Variants in ZSCAN5A observed in about 807,000 individuals in gnomAD.
ZSCAN5A encodes the protein zinc finger and SCAN domain containing 5A.
A neutral mutation model predicts 23.7 loss-of-function variants in ZSCAN5A; 12 were observed. That is an observed-to-expected ratio of 0.51 (90% confidence interval 0.32 to 0.82). The LOEUF (loss-of-function observed/expected upper bound fraction) is 0.82, where lower values mean the gene tolerates loss of function less well. Ranked by LOEUF, ZSCAN5A falls within the 40% of genes least tolerant of loss-of-function variation. ZSCAN5A has a pLI of 0.03. For synonymous variants in ZSCAN5A, 257 were observed against 239.9 expected, an observed-to-expected ratio of 1.07 and a Z score of -0.66; for missense variants, 597 against 617.9, an observed-to-expected ratio of 0.97 and a Z score of 0.36.
chr19:56,313,651 T>G (rs956881779), intron 1 of ZSCAN5A, among the ~76,000 whole-genome samples: 2 of 152,234 alleles, frequency 1.3e-5, no homozygotes, highest in African/African-American at 4.8e-5. Flanking sequence ...AATTCTTTTA[T>G]CATTAGGAGG....
At chr19:56,346,383 C>A (rs2041633338) in intron 2 of ZSCAN5A, among the ~76,000 whole-genome samples, 1 of 152,046 alleles carries the variant, frequency 6.6e-6, no homozygotes, top group African/African-American at 2.4e-5. Flanking sequence ...GATCATGGGT[C>A]ACAGGTTGAA....
chr19:56,247,816 C>T (rs1010431332), intron 2 of ZSCAN5A, among the ~76,000 whole-genome samples: 9 of 152,044 alleles, frequency 5.9e-5, no homozygotes, highest in Non-Finnish European at 8.8e-5. Flanking sequence ...CTCAGCCTCC[C>T]GAGTAGCTGG....
At chr19:56,291,689 G>A (rs1219145557) in intron 2 of ZSCAN5A, among the ~76,000 whole-genome samples, 1 of 151,846 alleles carries the variant, frequency 6.6e-6, no homozygotes, top group East Asian at 1.9e-4. Context: ...TCTCATCTCT[G>A]CCAAGGGAGG....
At chr19:56,240,844 G>A (rs1243657158) in intron 2 of ZSCAN5A, among the ~76,000 whole-genome samples, 1 of 151,960 alleles carries the variant, frequency 6.6e-6, no homozygotes, top group Non-Finnish European at 1.5e-5. Flanking sequence ...CAGCTGGGAC[G>A]ACAGGCACCT....
At chr19:56,234,200 T>C (rs873733) in intron 2 of ZSCAN5A, among the ~76,000 whole-genome samples, 17,289 of 152,232 alleles carry the variant, frequency 0.11, 1,159 homozygotes, top group South Asian at 0.26. Context: ...ATGTTCCCAT[T>C]TTCAAGGTCT....
chr19:56,271,545 A>G (rs532244062), intron 2 of ZSCAN5A, among the ~76,000 whole-genome samples: 2 of 152,330 alleles, frequency 1.3e-5, no homozygotes, highest in African/African-American at 2.4e-5. Flanking sequence ...GAGCTCTGAA[A>G]TATGGCAAAT....
chr19:56,246,154 G>C (rs1448076939), intron 2 of ZSCAN5A, among the ~76,000 whole-genome samples: 2 of 152,176 alleles, frequency 1.3e-5, no homozygotes, highest in African/African-American at 4.8e-5. Flanking sequence ...ATGAGGTGGT[G>C]ATGTTTATTT....
intron 2 of ZSCAN5A, among the ~76,000 whole-genome samples, chr19:56,254,142 T>A (rs1445028472): frequency 6.6e-6 from 1 of 151,958 alleles, no homozygotes; most frequent in Admixed American, 6.6e-5. Flanking sequence ...TCACTCGATC[T>A]GACATTTTTT....
At chr19:56,251,337 A>G (rs899578291) in intron 2 of ZSCAN5A, among the ~76,000 whole-genome samples, 2 of 151,996 alleles carry the variant, frequency 1.3e-5, no homozygotes, top group Admixed American at 6.6e-5. Flanking sequence ...TTGAAGATAC[A>G]CTAGTTTTGG....
At position 56,221,655 on chromosome 19, in the gene ZSCAN5A, A is replaced by G; in HGVS notation, c.1411T>C (p.Ser471Pro). 1 of 1,614,090 alleles carries G rather than the reference A, an allele frequency of 6.2e-7. No homozygotes were observed. The highest frequency in any genetic ancestry group is 8.5e-7 in the Non-Finnish European group (1 of 1,180,006). ...IHSGEKPYKC[S>P]KCPRAFSRLK... is the part of the protein sequence containing the mutation. ...CGACTGAAGGCTCTTGGACACTTGG[A>G]ACATTTGTAGGGTTTCTCTCCGGAG... Residue 471 changes from serine (S) to proline (P), a missense_variant, in exon 6 of 6, where the codon TCC becomes CCC. Coordinates refer to ENST00000683990, the MANE Select transcript of ZSCAN5A (RefSeq NM_001322064.3).
At chr19:56,253,235 T>C (rs1309435556) in intron 2 of ZSCAN5A, among the ~76,000 whole-genome samples, 29 of 141,774 alleles carry the variant, frequency 2.0e-4, no homozygotes, top group Middle Eastern at 3.8e-3. Context: ...GCCACTGCAC[T>C]CCAGCTTGGG....
At chr19:56,304,001 G>A (rs748991423) in intron 2 of ZSCAN5A, among the ~76,000 whole-genome samples, 1 of 152,182 alleles carries the variant, frequency 6.6e-6, no homozygotes, top group Non-Finnish European at 1.5e-5. Flanking sequence ...GTCATGTAAG[G>A]TTCTCATAGA....
intron 2 of ZSCAN5A, among the ~76,000 whole-genome samples, chr19:56,243,818 C>T (rs1280990008): frequency 5.3e-5 from 8 of 151,610 alleles, no homozygotes; most frequent in South Asian, 4.2e-4. Context: ...GTGCTGAATT[C>T]GATGCTGCTG....
chr19:56,253,910 T>C (rs962058815), intron 2 of ZSCAN5A, among the ~76,000 whole-genome samples: 6 of 152,174 alleles, frequency 3.9e-5, no homozygotes, highest in Non-Finnish European at 8.8e-5. Flanking sequence ...CTAATTTGTA[T>C]AGTTATGACA....
At chr19:56,346,887 C>T (rs2041637510) in intron 2 of ZSCAN5A, among the ~76,000 whole-genome samples, 1 of 152,078 alleles carries the variant, frequency 6.6e-6, no homozygotes, top group African/African-American at 2.4e-5. Flanking sequence ...GCTACCATGC[C>T]CGGCCAATTT....
chr19:56,268,304 C>A (rs1277831547), intron 2 of ZSCAN5A, among the ~76,000 whole-genome samples: 1 of 152,156 alleles, frequency 6.6e-6, no homozygotes, highest in Non-Finnish European at 1.5e-5. Context: ...GTGGGCGCTG[C>A]CCCTGTGGGT....
At chr19:56,247,417 G>A (rs2036003659) in intron 2 of ZSCAN5A, 1 of 176,196 alleles carries the variant, frequency 5.7e-6, no homozygotes, top group Non-Finnish European at 1.3e-5. Context: ...GTGTCTAAGA[G>A]CCTTTCGTCG....
At chr19:56,309,434 G>A (rs2040894637) in intron 2 of ZSCAN5A, among the ~76,000 whole-genome samples, 1 of 152,172 alleles carries the variant, frequency 6.6e-6, no homozygotes, top group African/African-American at 2.4e-5. Flanking sequence ...TTTCAAAATG[G>A]TTAAAATGGT....
chr19:56,329,001 A>AT lies in ZSCAN5A; in HGVS notation c.-357-12734_-357-12733insA, dbSNP rs1451466823. 7.7e-4 allele frequency among the ~76,000 whole-genome samples: 114 copies of AT among 148,744 alleles called. No individual in the cohort carries two copies. In the East Asian group the frequency reaches 0.011, roughly 14 times the overall value. The stretch of plus-strand genomic sequence containing the variant: ...CAGAGCGAGACTCCGTCTCAAAAAA[A>AT]AAAAAAAATAAATAAATAAATAAAT... On this transcript the variant is annotated intron_variant, in intron 2 of 6. Transcript: ENST00000587340.
Sources: allele counts gnomAD v4.1 joint callset (sites outside exome capture counted in the v4.1 genomes callset), GRCh38; gene constraint gnomAD v4.1.1; transcripts MANE v1.5; gene names NCBI Gene and HGNC (gene_info 2026-07-23, HGNC 2026-07-21).